PDXDC1: variants seen among roughly 807,000 people sequenced by gnomAD.
PDXDC1 encodes the protein pyridoxal dependent decarboxylase domain containing 1.
In PDXDC1, 42 loss-of-function variants were observed where a neutral mutation model predicts 100.1. The ratio of observed to expected loss-of-function variants is 0.42; its 90% confidence interval spans 0.33 to 0.54. PDXDC1 has a LOEUF of 0.54. Among genes scored for constraint, PDXDC1 ranks in the 20% least tolerant of loss-of-function variants. The pLI, the probability that PDXDC1 is intolerant of heterozygous loss-of-function variation, is 0.10. For synonymous variants in PDXDC1, 260 were observed against 371.7 expected (o/e 0.70, Z 3.46); for missense variants, 636 against 979.2 (o/e 0.65, Z 4.68).
downstream of PDXDC1, among the ~76,000 whole-genome samples, chr16:15,143,651 A>C (rs2048508685): frequency 6.6e-6 from 1 of 152,210 alleles, no homozygotes; most frequent in South Asian, 2.1e-4. Flanking sequence ...TCTGCCCCAC[A>C]GGCGCTCCTG....
intron 16 of PDXDC1, among the ~76,000 whole-genome samples, chr16:15,078,524 CTG>C (rs1290192937): frequency 1.3e-5 from 2 of 152,176 alleles, no homozygotes; most frequent in African/African-American, 4.8e-5. Context: ...AATCCAAGGA[CTG>C]TTGCTCTTTT....
At position 15,128,281 on chromosome 16, in the gene PDXDC1, C is replaced by T. The variant is rs368266126; in HGVS notation, c.1400-10598C>T. 4.1e-4 allele frequency: 654 copies of T among 1,610,752 alleles called. 4 individuals carry two copies. The East Asian group carries it at 5.9e-3, about 14-fold the overall frequency. On this transcript the variant is annotated intron_variant, in intron 16 of 16. Transcript: ENST00000535621. ...ACCCAGGCTGTGCGGGGTGGCGATC[C>T]GGAAGATGTCCAGGCTGTTGCGGTG...
At chr16:14,976,490 A>G (rs1158271863) in intron 1 of PDXDC1, among the ~76,000 whole-genome samples, 2 of 152,278 alleles carry the variant, frequency 1.3e-5, no homozygotes, top group African/African-American at 4.8e-5. Flanking sequence ...AAAAGATAAT[A>G]TGGTTTTCTT....
chr16:15,055,234 G>C (rs2044459737), intron 16 of PDXDC1, among the ~76,000 whole-genome samples: 1 of 152,152 alleles, frequency 6.6e-6, no homozygotes, highest in Non-Finnish European at 1.5e-5. Flanking sequence ...CTGCATAAGC[G>C]TGGACAAGAG....
At chr16:15,140,617 G>A (rs189424015), downstream of PDXDC1, among the ~76,000 whole-genome samples, 1 of 152,278 alleles carries the variant, frequency 6.6e-6, no homozygotes, top group East Asian at 1.9e-4. Context: ...AAAGGCAACA[G>A]AAACCAAAGG....
intron 16 of PDXDC1, among the ~76,000 whole-genome samples, chr16:15,055,337 GCTCT>G (rs1441248674): frequency 6.6e-6 from 1 of 152,214 alleles, no homozygotes; most frequent in Non-Finnish European, 1.5e-5. Context: ...GGAAAGCAGG[GCTCT>G]CTCTCCCGGC....
intron 16 of PDXDC1, chr16:15,133,809 T>A (rs1021768919): frequency 6.3e-6 from 10 of 1,586,270 alleles, no homozygotes; most frequent in East Asian, 2.3e-5. Context: ...GCATTCGAAG[T>A]GCACCTTGGT....
At chr16:15,131,504 C>G (rs1420631437) in intron 16 of PDXDC1, 19 of 1,608,350 alleles carry the variant, frequency 1.2e-5, no homozygotes, top group Non-Finnish European at 1.6e-5. Flanking sequence ...CTCCGCGGGT[C>G]CGAGCGCTTG....
downstream of PDXDC1, chr16:15,038,592 A>G (rs1170580333): frequency 6.3e-7 from 1 of 1,593,262 alleles, no homozygotes; most frequent in South Asian, 1.1e-5. Flanking sequence ...TTTGCTTGTC[A>G]TCTTGGTGCA....
intron 16 of PDXDC1, chr16:15,048,095 C>T: frequency 6.3e-7 from 1 of 1,582,854 alleles, no homozygotes; most frequent in South Asian, 1.1e-5. Flanking sequence ...AAGTCTGGCT[C>T]TTTCCTGTTT....
At position 15,015,089 on chromosome 16, in the gene PDXDC1, C is replaced by G. The variant is rs1428093939; in HGVS notation, c.728-1040C>G. Among the ~76,000 whole-genome samples the G allele has an allele frequency of 3.3e-5, 5 of 151,902 alleles. No individual in the cohort carries two copies. The East Asian group carries it at 9.8e-4, about 30-fold the overall frequency. ...AGTACCTGGGACTATAGGCGCCCAC[C>G]ACTACACCCGGCTAATTTTGTTTTT... On this transcript the variant is annotated intron_variant, in intron 8 of 22. Transcript: ENST00000396410.
In PDXDC1 at chr16:15,036,510, A is replaced by G. The variant is rs935974385; in HGVS notation, c.*235A>G. 27 of 540,138 alleles carry G rather than the reference A, an allele frequency of 5.0e-5. No homozygotes were observed. Among genetic ancestry groups the G allele is most frequent in the Middle Eastern group, 9.5e-4 (2 of 2,114 alleles). 33.5% of individuals were successfully genotyped at this position (540,138 alleles called of 1,614,324 possible). On this transcript the variant is annotated 3_prime_UTR_variant, in exon 23 of 23. Transcript: ENST00000396410. ...TCCTACTACGACTTTTCCCTAAGTT[A>G]CCATAAACACATTTTATTCACAAAA...
chr16:14,991,568 C>A (rs1265862566), intron 1 of PDXDC1, among the ~76,000 whole-genome samples: 2 of 150,856 alleles, frequency 1.3e-5, no homozygotes, highest in Admixed American at 6.6e-5. Context: ...GCTCTGTCAC[C>A]CAGGCAGTGG....
At chr16:15,072,452 C>T (rs1295693309) in intron 16 of PDXDC1, among the ~76,000 whole-genome samples, 1 of 152,100 alleles carries the variant, frequency 6.6e-6, no homozygotes, top group Admixed American at 6.6e-5. Context: ...ATGACATTTT[C>T]GGAGCACCTA....
chr16:15,058,478 G>A (rs1348056263), intron 16 of PDXDC1, among the ~76,000 whole-genome samples: 1 of 152,166 alleles, frequency 6.6e-6, no homozygotes, highest in East Asian at 1.9e-4. Flanking sequence ...TGTAATCCCA[G>A]CACTTTGGGA....
At chr16:15,047,298 C>T (rs2044112872) in intron 16 of PDXDC1, 6 of 645,652 alleles carry the variant, frequency 9.3e-6, no homozygotes, top group Admixed American at 2.4e-5. Flanking sequence ...GCAGTGCCCA[C>T]GTCGTGCCAG....
intron 16 of PDXDC1, chr16:15,133,698 G>T: frequency 1.9e-6 from 3 of 1,600,576 alleles, no homozygotes; most frequent in Admixed American, 3.4e-5. Flanking sequence ...TCCGCGTCAT[G>T]CCAGCCTGAG....
chr16:15,100,319 TA>T (rs1321539080), intron 16 of PDXDC1, among the ~76,000 whole-genome samples: 1 of 152,220 alleles, frequency 6.6e-6, no homozygotes, highest in Non-Finnish European at 1.5e-5. Flanking sequence ...CTACATTCAT[TA>T]ACACAAATGC....
At chr16:15,011,631 C>CTTTTTTTTTTTTTTTTTTTTTTCTTT in intron 8 of PDXDC1, among the ~76,000 whole-genome samples, 1 of 131,276 alleles carries the variant, frequency 7.6e-6, no homozygotes, top group Non-Finnish European at 1.6e-5. Context: ...ACATTTTTTT[C>CTTTTTTTTTTTTTTTTTTTTTTCTTT]TTTTTTTTTT....
Sources: allele counts gnomAD v4.1 joint callset (sites outside exome capture counted in the v4.1 genomes callset), GRCh38; gene constraint gnomAD v4.1.1; transcripts MANE v1.5; gene names NCBI Gene and HGNC (gene_info 2026-07-23, HGNC 2026-07-21).